Variants in CFAP61 observed in about 807,000 individuals in gnomAD.
CFAP61 encodes the protein cilia and flagella associated protein 61.
Under a neutral mutation model 135.6 loss-of-function variants are expected in CFAP61, and 107 were observed. That is an observed-to-expected ratio of 0.79 (90% confidence interval 0.67 to 0.93). The LOEUF (loss-of-function observed/expected upper bound fraction) is 0.93. CFAP61 is among the 40% of genes least tolerant of loss of function. The pLI is 0.00. For missense variants in CFAP61, 1,507 were observed against 1,556.2 expected (o/e 0.97, Z 0.53); for synonymous variants, 575 against 578.5 (o/e 0.99, Z 0.09).
intron 13 of CFAP61, among the ~76,000 whole-genome samples, chr20:20,185,835 T>C (rs2055457144): frequency 6.6e-6 from 1 of 152,204 alleles, no homozygotes; most frequent in Admixed American, 6.5e-5. Flanking sequence ...ACATATGGTA[T>C]TGTTATATCT....
chr20:20,273,789 G>A (rs117049478), intron 21 of CFAP61, among the ~76,000 whole-genome samples: 3,110 of 152,326 alleles, frequency 0.02, 68 homozygotes, highest in Middle Eastern at 0.034. Flanking sequence ...TGAGTGCTGG[G>A]AAGGAAAGGT....
chr20:20,139,777 A>C (rs577930503), intron 8 of CFAP61, among the ~76,000 whole-genome samples: 1 of 152,322 alleles, frequency 6.6e-6, no homozygotes, highest in South Asian at 2.1e-4. Flanking sequence ...TAACTGTCTC[A>C]TGAACATTAG....
At chr20:20,223,557 A>G (rs1008271427) in intron 17 of CFAP61, among the ~76,000 whole-genome samples, 3 of 152,172 alleles carry the variant, frequency 2.0e-5, no homozygotes, top group African/African-American at 7.2e-5. Context: ...GTATCAGCCT[A>G]TTTATTGTTT....
chr20:20,315,082 T>C (rs1056040020), intron 25 of CFAP61, among the ~76,000 whole-genome samples: 1 of 141,808 alleles, frequency 7.1e-6, no homozygotes, highest in Non-Finnish European at 1.5e-5. Flanking sequence ...AAATGGTATT[T>C]CTAGTTCTAG....
rs2047447115 is a variant in CFAP61, at chr20:20,094,798, C to T, written c.699+3822C>T. On this transcript the variant is annotated intron_variant, in intron 7 of 26. Coordinates refer to ENST00000245957, the MANE Select transcript of CFAP61 (RefSeq NM_015585.4). ...GAAGGGCAGAAACAAGACTGTGAGC[C>T]GGGATCTGGGAGGGGACGTCTAATC... 1.3e-5 allele frequency: 2 copies of T among 152,322 alleles called. 1 individual carries two copies. 9.4% of individuals were successfully genotyped at this position (152,322 alleles called of 1,614,324 possible). A position where few individuals can be genotyped will look rare whatever the true frequency, so the allele number is the denominator to read the frequency against.
At position 20,183,158 on chromosome 20, in the gene CFAP61, CTTTTTTT is replaced by C. The variant is rs10610282; in HGVS notation, c.1386-4763_1386-4757del. The stretch of plus-strand genomic sequence containing the variant: ...TTCTGATTTTTTTTTCTTTTCTTTT[CTTTTTTT>C]TTTTTTTTAGATAGAGTCTCACTGT... On this transcript the variant is annotated intron_variant, in intron 13 of 26. Transcript: ENST00000245957. 3.0e-3 allele frequency among the ~76,000 whole-genome samples: 450 copies of C among 149,590 alleles called. 2 individuals carry two copies. The highest frequency in any genetic ancestry group is 9.9e-3 in the African/African-American group (400 of 40,362).
At chr20:20,120,775 C>G (rs57310307) in intron 8 of CFAP61, among the ~76,000 whole-genome samples, 14,979 of 152,188 alleles carry the variant, frequency 0.098, 1,551 homozygotes, top group East Asian at 0.6. Context: ...TCTCCCTTCA[C>G]ATTTATTAAT....
intron 22 of CFAP61, among the ~76,000 whole-genome samples, chr20:20,281,004 G>A (rs1490362048): frequency 1.3e-5 from 2 of 152,044 alleles, no homozygotes; most frequent in Non-Finnish European, 2.9e-5. Context: ...GTAGCCATTA[G>A]TATTTCTCCT....
At chr20:20,305,596 C>A (rs992240120) in intron 25 of CFAP61, among the ~76,000 whole-genome samples, 5 of 152,240 alleles carry the variant, frequency 3.3e-5, no homozygotes, top group Non-Finnish European at 5.9e-5. Flanking sequence ...CGCTTCCCTG[C>A]GGCCGTGTGC....
intron 7 of CFAP61, chr20:20,095,739 G>T (rs2047518860): frequency 6.6e-6 from 1 of 152,348 alleles, no homozygotes; most frequent in African/African-American, 2.4e-5. Flanking sequence ...TGACCTGCAG[G>T]CAGGGAAAGC....
At chr20:20,191,229 T>C (rs1322813210) in intron 14 of CFAP61, 113 bp from the exon 15 acceptor site, 1 of 742,596 alleles carries the variant, frequency 1.3e-6, no homozygotes, top group Admixed American at 2.2e-5. Flanking sequence ...TAGGTGTTGA[T>C]AGATGTTTGT....
At position 20,359,410 on chromosome 20, in the gene CFAP61, A is replaced by G. The variant is rs1301808819; in HGVS notation, c.3514-800A>G. Among the ~76,000 whole-genome samples the G allele has an allele frequency of 6.6e-6, 1 of 152,018 alleles. No homozygotes were observed. The highest frequency in any genetic ancestry group is 1.5e-5 in the Non-Finnish European group (1 of 68,016). On this transcript the variant is annotated intron_variant, in intron 26 of 26. Transcript: ENST00000245957. This position sits in a 1 kb window ranked among gnomAD's most constrained non-coding sequence, Gnocchi z 4.0. ...CAGGGCGTGGTGGCTCATGCCTGTA[A>G]TCCCAGCACTTTGGGAGGCCGAGGT...
intron 21 of CFAP61, among the ~76,000 whole-genome samples, chr20:20,268,505 G>A (rs2052990714): frequency 6.6e-6 from 1 of 152,174 alleles, no homozygotes; most frequent in South Asian, 2.1e-4. Flanking sequence ...CACATCTTCT[G>A]CTTCCAAAGG....
chr20:20,158,171 C>G (rs1055685609), intron 9 of CFAP61, among the ~76,000 whole-genome samples: 4 of 151,336 alleles, frequency 2.6e-5, no homozygotes, highest in African/African-American at 9.7e-5. Flanking sequence ...CAGCGCACCA[C>G]CATGGCACAT....
At chr20:20,268,347 G>A (rs1228945729) in intron 21 of CFAP61, among the ~76,000 whole-genome samples, 2 of 152,280 alleles carry the variant, frequency 1.3e-5, no homozygotes, top group Middle Eastern at 3.4e-3. Context: ...AATGGTGGAT[G>A]GATTGTTCTA....
At chr20:20,269,043 A>G (rs1230169724) in intron 21 of CFAP61, among the ~76,000 whole-genome samples, 1 of 149,396 alleles carries the variant, frequency 6.7e-6, no homozygotes, top group Admixed American at 6.7e-5. Context: ...GGGACAGGTC[A>G]CGTTTTGGGC....
chr20:20,093,250 C>T (rs1291902712), intron 7 of CFAP61, among the ~76,000 whole-genome samples: 2 of 152,082 alleles, frequency 1.3e-5, no homozygotes, highest in South Asian at 2.1e-4. Flanking sequence ...TAGATGAAAG[C>T]CTAGAATAGA....
rs1385931789 is a variant in CFAP61, at chr20:20,196,679, T to G, written c.1700T>G (p.Phe567Cys). 1.9e-6 allele frequency: 3 copies of G among 1,614,026 alleles called. No individual in the cohort carries two copies. Among genetic ancestry groups the G allele is most frequent in the African/African-American group, 2.7e-5 (2 of 74,908 alleles). ...CATCACTTTGCCCTCAACCCCATTT[T>G]CCGGCACTACACCAAGTTCTTTCTG... ...HMHHFALNPI[F>C]RHYTKFFLKE... The change falls in exon 16 of 27, where the codon TTC becomes TGC. Residue 567 changes from phenylalanine (F) to cysteine (C), a missense_variant. Transcript: ENST00000245957.
At chr20:20,103,927 A>G (rs1270692525) in intron 8 of CFAP61, among the ~76,000 whole-genome samples, 4 of 152,248 alleles carry the variant, frequency 2.6e-5, no homozygotes, top group African/African-American at 9.6e-5. Flanking sequence ...AGCAAAAAAC[A>G]AAACTTTTGT....
Sources: allele counts gnomAD v4.1 joint callset (sites outside exome capture counted in the v4.1 genomes callset), GRCh38; gene constraint gnomAD v4.1.1; non-coding constraint Gnocchi (gnomAD v3.1); transcripts MANE v1.5; gene names NCBI Gene and HGNC (gene_info 2026-07-23, HGNC 2026-07-21).